SYN3: variants seen among roughly 807,000 people sequenced by gnomAD.
SYN3 encodes synapsin-3.
A neutral mutation model predicts 65.8 loss-of-function variants in SYN3; 35 were observed. That is an observed-to-expected ratio of 0.53 (90% confidence interval 0.41 to 0.70). SYN3 has a LOEUF of 0.70. Ranked by LOEUF, SYN3 falls within the 30% of genes least tolerant of loss-of-function variation. The pLI is 0.00. For synonymous variants in SYN3, 270 were observed against 292.9 expected (o/e 0.92, Z 0.80); for missense variants, 680 against 749.0 (o/e 0.91, Z 1.08).
chr22:33,053,532 CA>C (rs2054205807), intron 1 of SYN3, among the ~76,000 whole-genome samples: 2 of 152,180 alleles, frequency 1.3e-5, no homozygotes, highest in African/African-American at 4.8e-5. Context: ...GAAGTCAAAC[CA>C]AGCCTTTTAT....
intron 7 of SYN3, among the ~76,000 whole-genome samples, chr22:32,578,457 C>T (rs2058887759): frequency 6.6e-6 from 1 of 151,866 alleles, no homozygotes. Context: ...GCCATGTAGC[C>T]CAGGTTGGTC....
chr22:32,783,067 T>A (rs1000379621), intron 6 of SYN3: 2 of 152,202 alleles, frequency 1.3e-5, no homozygotes, highest in Non-Finnish European at 2.9e-5. Flanking sequence ...AGGTACTTAA[T>A]CTTAGTCCAC....
intron 6 of SYN3, among the ~76,000 whole-genome samples, chr22:32,695,516 C>T (rs749751326): frequency 3.3e-5 from 5 of 152,186 alleles, no homozygotes; most frequent in Non-Finnish European, 5.9e-5. Flanking sequence ...CCTGGGGACA[C>T]ATTTCCCCCA....
intron 6 of SYN3, among the ~76,000 whole-genome samples, chr22:32,842,084 G>A (rs1201094077): frequency 6.6e-6 from 1 of 152,178 alleles, no homozygotes; most frequent in East Asian, 1.9e-4. Context: ...GGCACCTTTG[G>A]AGGCTGGTAA....
At chr22:32,918,569 C>T (rs960898994) in intron 4 of SYN3, among the ~76,000 whole-genome samples, 3 of 151,796 alleles carry the variant, frequency 2.0e-5, no homozygotes, top group Non-Finnish European at 4.4e-5. Flanking sequence ...TAGCTAGAAT[C>T]GCTTCAGGCA....
chr22:32,690,835 C>T lies in SYN3; in HGVS notation c.712-94099G>A, dbSNP rs2060652079. On this transcript the variant is annotated intron_variant, in intron 6 of 13. Coordinates refer to ENST00000358763, the MANE Select transcript of SYN3 (RefSeq NM_003490.4). ...ACAAATTTACCTTCATTTCTTCTGC[C>T]CACATGGGAAGCGAGGGCTCATGAG... 2.6e-5 allele frequency among the ~76,000 whole-genome samples: 4 copies of T among 152,230 alleles called. No individual in the cohort carries two copies. The South Asian group carries it at 6.2e-4, about 24-fold the overall frequency.
At chr22:33,012,666 T>A (rs1601904025) in intron 1 of SYN3, among the ~76,000 whole-genome samples, 1 of 152,196 alleles carries the variant, frequency 6.6e-6, no homozygotes, top group African/African-American at 2.4e-5. Flanking sequence ...CCATCACAGG[T>A]TCAACAGAGG....
chr22:32,830,352 T>C (rs1192082741), intron 6 of SYN3, among the ~76,000 whole-genome samples: 1 of 152,204 alleles, frequency 6.6e-6, no homozygotes, highest in East Asian at 1.9e-4. Flanking sequence ...GAGCCTTGTA[T>C]GATTGCATCT....
At chr22:32,874,235 C>T (rs11704123) in intron 4 of SYN3, among the ~76,000 whole-genome samples, 6,892 of 152,264 alleles carry the variant, frequency 0.045, 160 homozygotes, top group Middle Eastern at 0.071. Context: ...CTGGGTCTCT[C>T]GTGCCTGGGT....
At chr22:32,906,272 T>C (rs775378616) in intron 4 of SYN3, among the ~76,000 whole-genome samples, 25 of 152,152 alleles carry the variant, frequency 1.6e-4, no homozygotes, top group Admixed American at 1.3e-4. Context: ...AAGGGGATTC[T>C]TGGGCCTCAA....
Position 32,604,104 on chromosome 22 carries a change from T to C in SYN3, c.712-7368A>G, listed in dbSNP as rs5998554. 7.7e-3 allele frequency among the ~76,000 whole-genome samples: 1,176 copies of C among 152,324 alleles called. 18 individuals carry two copies. Among genetic ancestry groups the C allele is most frequent in the African/African-American group, 0.026 (1,088 of 41,572 alleles). ...CCACAGAGTCAGAGAAACAGGACTT[T>C]AGAGTGGCCCGGACAGCCTCCCACC... On this transcript the variant is annotated intron_variant, in intron 6 of 13. Transcript: ENST00000358763.
chr22:32,861,285 G>C (rs2048531175), intron 6 of SYN3: 1 of 152,382 alleles, frequency 6.6e-6, no homozygotes, highest in African/African-American at 2.4e-5. Flanking sequence ...ACCGGCATCG[G>C]GTTTCCTTGG....
intron 6 of SYN3, among the ~76,000 whole-genome samples, chr22:32,630,257 C>T (rs2059729342): frequency 6.6e-6 from 1 of 152,146 alleles, no homozygotes; most frequent in Non-Finnish European, 1.5e-5. Flanking sequence ...GCTGGGATTA[C>T]AGGCCTAAGC....
chr22:32,700,541 A>G (rs1238875905), intron 6 of SYN3, among the ~76,000 whole-genome samples: 1 of 152,240 alleles, frequency 6.6e-6, no homozygotes, highest in Non-Finnish European at 1.5e-5. Context: ...GGGGAAACTC[A>G]GAAACATGAA....
chr22:32,988,307 A>AAATAATAATAATAATAAT (rs58058197), intron 2 of SYN3, among the ~76,000 whole-genome samples: 160 of 142,606 alleles, frequency 1.1e-3, no homozygotes, highest in Admixed American at 4.3e-3. Flanking sequence ...CTCTGTCTCA[A>AAATAATAATAATAATAAT]AATAATAATA....
chr22:32,910,151 T>C (rs2050015275), intron 4 of SYN3, among the ~76,000 whole-genome samples: 1 of 152,202 alleles, frequency 6.6e-6, no homozygotes, highest in South Asian at 2.1e-4. Flanking sequence ...GCCCTCTCTG[T>C]GGCACGTTTA....
chr22:32,669,847 T>C (rs2060337319), intron 6 of SYN3, among the ~76,000 whole-genome samples: 1 of 152,216 alleles, frequency 6.6e-6, no homozygotes, highest in African/African-American at 2.4e-5. Flanking sequence ...CATCCTTTTT[T>C]TCTTTCTGTT....
At chr22:32,742,109 T>TA (rs888042889) in intron 6 of SYN3, among the ~76,000 whole-genome samples, 15 of 151,334 alleles carry the variant, frequency 9.9e-5, no homozygotes, top group African/African-American at 3.2e-4. Flanking sequence ...CCACCTCTAC[T>TA]AAAAAAATAC....
At chr22:32,882,573 G>A (rs1030725314) in intron 4 of SYN3, among the ~76,000 whole-genome samples, 6 of 152,054 alleles carry the variant, frequency 3.9e-5, no homozygotes, top group Non-Finnish European at 7.4e-5. Flanking sequence ...CGAGACAGAG[G>A]CACAGAGAGG....
Sources: gnomAD v4.1 joint callset for allele counts (sites outside exome capture counted in the v4.1 genomes callset) on GRCh38, gnomAD v4.1.1 for gene constraint, MANE v1.5 for transcripts, NCBI Gene and HGNC (gene_info 2026-07-23, HGNC 2026-07-21) for gene names.